Variants in INTS7 observed in about 807,000 individuals in gnomAD.
INTS7 encodes integrator complex subunit 7.
A neutral mutation model predicts 109.2 loss-of-function variants in INTS7; 46 were observed. The observed-to-expected ratio is 0.42, with a 90% confidence interval of 0.33 to 0.54. The LOEUF is 0.54. INTS7 is among the 20% of genes least tolerant of loss of function. The pLI is 0.07. For synonymous variants in INTS7, 412 were observed against 402.9 expected, an observed-to-expected ratio of 1.02 and a Z score of -0.27; for missense variants, 929 against 1,132.4, an observed-to-expected ratio of 0.82 and a Z score of 2.58.
chr1:211,979,779 A>T (rs1664572914), intron 10 of INTS7, among the ~76,000 whole-genome samples: 2 of 152,174 alleles, frequency 1.3e-5, no homozygotes, highest in South Asian at 4.1e-4. Context: ...ATCTTTCCTC[A>T]TTACTGTAAT....
rs139952930 is a variant in INTS7 at position 212,008,416 on chromosome 1, G to A, written c.557-967C>T. Among the ~76,000 whole-genome samples, 4 of 152,188 alleles carry A rather than the reference G, an allele frequency of 2.6e-5. No individual in the cohort carries two copies. In the East Asian group the frequency reaches 7.7e-4, roughly 29 times the overall value. ...TGTTTTCTGACCTCTTTCTCTGGCT[G>A]TTCCTTCTTAATCTCCTTTGTAGTC... On this transcript the variant is annotated intron_variant, in intron 5 of 19. Coordinates refer to ENST00000366994, the MANE Select transcript of INTS7 (RefSeq NM_015434.4).
intron 7 of INTS7, among the ~76,000 whole-genome samples, chr1:212,002,993 C>T (rs143247229): frequency 1.8e-3 from 268 of 151,922 alleles, no homozygotes; most frequent in African/African-American, 6.1e-3. Context: ...TGAACTAAAA[C>T]ATATATAAGA....
chr1:211,971,855 G>A (rs573266875), intron 13 of INTS7, among the ~76,000 whole-genome samples: 3 of 141,372 alleles, frequency 2.1e-5, no homozygotes, highest in Admixed American at 1.5e-4. Flanking sequence ...GGTGGAGGTT[G>A]CAGTGAGCCA....
At chr1:211,971,481 C>A (rs1273321256) in intron 13 of INTS7, among the ~76,000 whole-genome samples, 1 of 152,070 alleles carries the variant, frequency 6.6e-6, no homozygotes, top group Non-Finnish European at 1.5e-5. Flanking sequence ...CAGCTTCCTG[C>A]AACAAAATGG....
intron 16 of INTS7, among the ~76,000 whole-genome samples, chr1:211,956,323 T>C (rs1558024817): frequency 6.6e-6 from 1 of 152,242 alleles, no homozygotes; most frequent in African/African-American, 2.4e-5. Context: ...CTTGACACTT[T>C]AGTTTTTCTT....
chr1:212,028,159 T>C (rs768804855), intron 1 of INTS7, among the ~76,000 whole-genome samples: 3 of 152,188 alleles, frequency 2.0e-5, no homozygotes, highest in Non-Finnish European at 4.4e-5. Flanking sequence ...CTTCTGCCAC[T>C]TGATAACTTA....
At chr1:212,028,883 A>T (rs1667039164) in intron 1 of INTS7, among the ~76,000 whole-genome samples, 1 of 152,216 alleles carries the variant, frequency 6.6e-6, no homozygotes, top group South Asian at 2.1e-4. Flanking sequence ...CGTAAGAAAC[A>T]ACAATGCTGA....
At chr1:212,017,520 C>G (rs1470389348) in intron 3 of INTS7, among the ~76,000 whole-genome samples, 2 of 152,184 alleles carry the variant, frequency 1.3e-5, no homozygotes, top group African/African-American at 4.8e-5. Context: ...TGAGGACGCC[C>G]CTGGGGCTCA....
chr1:212,020,412 AGTTT>A, intron 2 of INTS7, 144 bp from the exon 3 acceptor site: 2 of 618,320 alleles, frequency 3.2e-6, no homozygotes, highest in Non-Finnish European at 2.7e-6. Context: ...AAAGAGTTAA[AGTTT>A]GTACTTTAGG....
At chr1:211,955,548 ATTATT>A (rs1232717877) in intron 16 of INTS7, among the ~76,000 whole-genome samples, 7 of 152,160 alleles carry the variant, frequency 4.6e-5, no homozygotes, top group Non-Finnish European at 1.0e-4. Flanking sequence ...GATAGCTCTT[ATTATT>A]TTGAGATACA....
At position 211,941,500 on chromosome 1, in the gene INTS7, G is replaced by A; in HGVS notation, c.*324C>T. On this transcript the variant is annotated 3_prime_UTR_variant, in exon 20 of 20. Coordinates refer to ENST00000366994, the MANE Select transcript of INTS7 (RefSeq NM_015434.4). Reference sequence around the variant, plus strand: ...AGCCTCCCAAGTAGCTGGGACTACAGGCGCCTGCCACCATGCTTGGCTAAT... The same window carrying A: ...AGCCTCCCAAGTAGCTGGGACTACAAGCGCCTGCCACCATGCTTGGCTAAT... The A allele has an allele frequency of 8.1e-6, 2 of 246,626 alleles. No homozygotes were observed. The highest frequency in any genetic ancestry group is 1.2e-4 in the South Asian group (2 of 17,092). 15.3% of individuals were successfully genotyped at this position (246,626 alleles called of 1,614,324 possible).
At chr1:211,972,866 C>T (rs1157264122) in intron 13 of INTS7, among the ~76,000 whole-genome samples, 1 of 152,216 alleles carries the variant, frequency 6.6e-6, no homozygotes, top group Non-Finnish European at 1.5e-5. Context: ...CTTCCTTGAG[C>T]CTCAGATATC....
At chr1:211,995,191 C>G (rs1024156755) in intron 7 of INTS7, among the ~76,000 whole-genome samples, 1 of 151,712 alleles carries the variant, frequency 6.6e-6, no homozygotes, top group Admixed American at 6.6e-5. Context: ...AAGACAAGAA[C>G]AAAGAAAACT....
chr1:212,035,299 T>G (rs762879783), intron 1 of INTS7, 45 bp downstream of exon 1: 4 of 1,309,880 alleles, frequency 3.1e-6, no homozygotes, highest in Non-Finnish European at 4.4e-6. Flanking sequence ...TGGCGCCACT[T>G]CCCCCCACGC....
intron 1 of INTS7, among the ~76,000 whole-genome samples, chr1:212,031,254 C>G (rs1667150657): frequency 6.6e-6 from 1 of 152,180 alleles, no homozygotes; most frequent in South Asian, 2.1e-4. Context: ...GGAGATCTTG[C>G]ATAAGTTTTC....
At chr1:212,032,988 A>G (rs1315032391) in intron 1 of INTS7, among the ~76,000 whole-genome samples, 1 of 152,046 alleles carries the variant, frequency 6.6e-6, no homozygotes, top group Non-Finnish European at 1.5e-5. Context: ...TTCCTTTATA[A>G]TATGTATCAC....
intron 17 of INTS7, among the ~76,000 whole-genome samples, chr1:211,950,293 T>C (rs1468130324): frequency 6.6e-6 from 1 of 152,166 alleles, no homozygotes; most frequent in East Asian, 1.9e-4. Context: ...TTATTTGAGA[T>C]GAAGTTTCAC....
At chr1:211,950,213 G>C (rs1663024249) in intron 17 of INTS7, among the ~76,000 whole-genome samples, 1 of 152,190 alleles carries the variant, frequency 6.6e-6, no homozygotes, top group Non-Finnish European at 1.5e-5. Context: ...TGGAGGCTCA[G>C]ACAGTAACAA....
At chr1:212,024,648 T>C (rs1445187740) in intron 1 of INTS7, among the ~76,000 whole-genome samples, 1 of 152,230 alleles carries the variant, frequency 6.6e-6, no homozygotes, top group African/African-American at 2.4e-5. Flanking sequence ...AAACAAATTG[T>C]GGTATATCCA....
Sources: allele counts gnomAD v4.1 joint callset (sites outside exome capture counted in the v4.1 genomes callset), GRCh38; gene constraint gnomAD v4.1.1; transcripts MANE v1.5; gene names NCBI Gene and HGNC (gene_info 2026-07-23, HGNC 2026-07-21).